Variants in DNAAF9 observed in about 807,000 individuals in gnomAD.
The protein encoded by DNAAF9 is shulin.
Under a neutral mutation model 167.0 loss-of-function variants are expected in DNAAF9, and 90 were observed. The observed-to-expected ratio is 0.54, with a 90% CI of 0.45 to 0.64. The LOEUF (loss-of-function observed/expected upper bound fraction) is 0.64. Ranked by LOEUF, DNAAF9 falls within the 30% of genes least tolerant of loss-of-function variation. DNAAF9 has a pLI of 0.00. For missense variants in DNAAF9, 1,315 were observed against 1,442.2 expected (o/e 0.91, Z 1.43); for synonymous variants, 491 against 508.8 (o/e 0.96, Z 0.47).
chr20:3,397,438 C>T (rs2083925262), intron 1 of DNAAF9, among the ~76,000 whole-genome samples: 1 of 152,080 alleles, frequency 6.6e-6, no homozygotes, highest in South Asian at 2.1e-4. Flanking sequence ...CCTGCCTCAG[C>T]CTCCCGAGTA....
rs767433412 is a variant in DNAAF9 at position 3,388,999 on chromosome 20, G to A, written c.84-6493C>T. ...TTTTGTTTTTCTGAGACAGAGTTTC[G>A]TTCTTGTTGCCTAGGCTGGAGTGCA... On this transcript the variant is annotated intron_variant, in intron 1 of 36. Transcript: ENST00000252032. 4.0e-4 allele frequency among the ~76,000 whole-genome samples: 61 copies of A among 152,196 alleles called. No homozygotes were observed. In the Middle Eastern group the frequency reaches 0.014, roughly 34 times the overall value.
intron 25 of DNAAF9, among the ~76,000 whole-genome samples, chr20:3,290,555 A>C (rs1354169227): frequency 6.6e-6 from 1 of 152,196 alleles, no homozygotes; most frequent in African/African-American, 2.4e-5. Flanking sequence ...TAAAGGACCT[A>C]CCTGCTTGAG....
intron 4 of DNAAF9, 51 bp downstream of exon 4, chr20:3,376,125 TAA>T: frequency 6.5e-7 from 1 of 1,528,230 alleles, no homozygotes; most frequent in Non-Finnish European, 8.9e-7. Context: ...ACACTTTCCT[TAA>T]AGAGTATTCT....
chr20:3,395,086 G>A (rs1362471130), intron 1 of DNAAF9, among the ~76,000 whole-genome samples: 4 of 145,288 alleles, frequency 2.8e-5, no homozygotes, highest in Non-Finnish European at 6.0e-5. Context: ...TCCTGCCTCA[G>A]CCTCCCATGT....
At chr20:3,341,535 A>G (rs2070085683) in intron 9 of DNAAF9, among the ~76,000 whole-genome samples, 1 of 152,150 alleles carries the variant, frequency 6.6e-6, no homozygotes, top group African/African-American at 2.4e-5. Flanking sequence ...AAACGGCATC[A>G]CAATCCACCC....
At chr20:3,319,082 CAAAAAAA>C (rs71195834) in intron 16 of DNAAF9, among the ~76,000 whole-genome samples, 5 of 71,126 alleles carry the variant, frequency 7.0e-5, no homozygotes, top group African/African-American at 1.2e-4. Flanking sequence ...GACTCTGTCT[CAAAAAAA>C]AAAAAAAAAA....
intron 20 of DNAAF9, among the ~76,000 whole-genome samples, chr20:3,308,446 G>A (rs1179999163): frequency 1.3e-5 from 2 of 149,876 alleles, no homozygotes; most frequent in African/African-American, 4.9e-5. Flanking sequence ...AGGTTCAAGT[G>A]ATTCTTGTGC....
chr20:3,266,965 G>A (rs1460693217), intron 30 of DNAAF9, among the ~76,000 whole-genome samples: 1 of 151,070 alleles, frequency 6.6e-6, no homozygotes, highest in Non-Finnish European at 1.5e-5. Flanking sequence ...CCATTCTCCT[G>A]CCTCAGCCTC....
chr20:3,329,201 T>G (rs543444185), intron 12 of DNAAF9, among the ~76,000 whole-genome samples: 2 of 144,194 alleles, frequency 1.4e-5, no homozygotes, highest in African/African-American at 5.4e-5. Flanking sequence ...AGGAACTCAC[T>G]CTGTCACCCA....
rs1385750465 is a variant in DNAAF9, at chr20:3,251,155, T to C, written c.*1417A>G. ...GGCTTCAAATTGTTTTTTTTTTTTT[T>C]CTAATATATTTTACTGACAAGCCCT... On this transcript the variant is annotated 3_prime_UTR_variant, in exon 37 of 37. Coordinates refer to ENST00000252032, the MANE Select transcript of DNAAF9 (RefSeq NM_001009984.3). The C allele has an allele frequency of 6.6e-6, 1 of 151,846 alleles. No individual in the cohort carries two copies. The highest frequency in any genetic ancestry group is 2.4e-5 in the African/African-American group (1 of 41,354). The allele number at this position is 151,846 out of a possible 1,614,324, so 9.4% of individuals were successfully genotyped here. A position where few individuals can be genotyped will look rare whatever the true frequency, so the allele number is the denominator to read the frequency against.
intron 6 of DNAAF9, among the ~76,000 whole-genome samples, chr20:3,368,670 GC>G (rs1359181405): frequency 6.6e-6 from 1 of 151,784 alleles, no homozygotes; most frequent in African/African-American, 2.4e-5. Context: ...CCGCCACCAA[GC>G]CCGGCTAATT....
At chr20:3,266,230 G>T (rs778328229) in intron 30 of DNAAF9, among the ~76,000 whole-genome samples, 1 of 152,126 alleles carries the variant, frequency 6.6e-6, no homozygotes, top group South Asian at 2.1e-4. Flanking sequence ...TCCCATTACT[G>T]GTCTCACTGA....
intron 26 of DNAAF9, among the ~76,000 whole-genome samples, chr20:3,288,516 G>A (rs2068892233): frequency 2.0e-5 from 3 of 152,146 alleles, no homozygotes; most frequent in Admixed American, 6.6e-5. Context: ...CACTAGACAC[G>A]AGGAACTGGT....
At chr20:3,289,887 C>A (rs2068918906) in intron 26 of DNAAF9, among the ~76,000 whole-genome samples, 1 of 152,154 alleles carries the variant, frequency 6.6e-6, no homozygotes, top group South Asian at 2.1e-4. Context: ...TCTTACCAAA[C>A]TAGAATGTAA....
intron 1 of DNAAF9, among the ~76,000 whole-genome samples, chr20:3,395,794 A>G (rs2083899184): frequency 6.6e-6 from 1 of 151,952 alleles, no homozygotes; most frequent in Admixed American, 6.6e-5. Flanking sequence ...TAACATTCTT[A>G]TTAGGTTGAT....
chr20:3,362,054 C>T, intron 6 of DNAAF9: 1 of 1,441,706 alleles, frequency 6.9e-7, no homozygotes. Context: ...TAACTCCATT[C>T]ATATTAATTT....
At chr20:3,398,065 G>C (rs988138835) in intron 1 of DNAAF9, among the ~76,000 whole-genome samples, 1 of 152,154 alleles carries the variant, frequency 6.6e-6, no homozygotes, top group East Asian at 1.9e-4. Flanking sequence ...TTATCCAGGT[G>C]CAAGTCAGGT....
At chr20:3,281,849 G>C in intron 27 of DNAAF9, 83 bp from the exon 28 acceptor site, 6 of 1,408,676 alleles carry the variant, frequency 4.3e-6, no homozygotes, top group Non-Finnish European at 5.8e-6. Flanking sequence ...ATGGCTGATT[G>C]AACAAGGATG....
At chr20:3,382,328 A>G in intron 2 of DNAAF9, 99 bp downstream of exon 2, 1 of 898,464 alleles carries the variant, frequency 1.1e-6, no homozygotes, top group East Asian at 2.5e-5. Context: ...ACACCAACTC[A>G]CAGCTTATTT....
Sources: allele counts gnomAD v4.1 joint callset (sites outside exome capture counted in the v4.1 genomes callset), GRCh38; gene constraint gnomAD v4.1.1; transcripts MANE v1.5; gene names NCBI Gene and HGNC (gene_info 2026-07-23, HGNC 2026-07-21).